Variants in WWOX observed in about 807,000 individuals in gnomAD.
WWOX encodes the protein WW domain-containing oxidoreductase.
Under a neutral mutation model 46.2 loss-of-function variants are expected in WWOX, and 69 were observed. The ratio of observed to expected loss-of-function variants is 1.49; its 90% CI spans 1.23 to 1.82. WWOX has a LOEUF of 1.82. Among genes scored for constraint, WWOX ranks in the 40% most tolerant of loss-of-function variants. The pLI, the probability that WWOX is intolerant of heterozygous loss-of-function variation, is 0.00. For synonymous variants in WWOX, 359 were observed against 202.6 expected (o/e 1.77, Z -6.56); for missense variants, 919 against 542.6 (o/e 1.69, Z -6.89).
At chr16:78,467,172 A>C (rs1446256994) in intron 8 of WWOX, among the ~76,000 whole-genome samples, 2 of 152,194 alleles carry the variant, frequency 1.3e-5, no homozygotes, top group Non-Finnish European at 2.9e-5. Flanking sequence ...TTCTTTTTAA[A>C]AAAAATTTTT....
chr16:78,699,143 A>T (rs774820063), intron 8 of WWOX, among the ~76,000 whole-genome samples: 6 of 152,232 alleles, frequency 3.9e-5, no homozygotes, highest in Non-Finnish European at 7.3e-5. Context: ...GTGTTCCAGT[A>T]AAACTTTATT....
intron 5 of WWOX, among the ~76,000 whole-genome samples, chr16:78,227,887 A>C (rs926782702): frequency 6.6e-6 from 1 of 150,758 alleles, no homozygotes; most frequent in African/African-American, 2.5e-5. Flanking sequence ...AAAAACAAAC[A>C]AAAAGAAACA....
intron 5 of WWOX, among the ~76,000 whole-genome samples, chr16:78,342,015 C>T (rs1394862116): frequency 1.7e-5 from 2 of 120,470 alleles, no homozygotes; most frequent in East Asian, 3.9e-4. Context: ...ACTTCGGAGG[C>T]TGAGGCAGCA....
intron 8 of WWOX, among the ~76,000 whole-genome samples, chr16:78,804,222 C>T (rs961057203): frequency 6.6e-6 from 1 of 152,094 alleles, no homozygotes; most frequent in Non-Finnish European, 1.5e-5. Flanking sequence ...ATGCCTTCCC[C>T]TGAACACAGT....
At chr16:78,749,086 A>G (rs920119993) in intron 8 of WWOX, among the ~76,000 whole-genome samples, 1 of 152,212 alleles carries the variant, frequency 6.6e-6, no homozygotes, top group African/African-American at 2.4e-5. Flanking sequence ...GATGTGTTTT[A>G]GTGCTTAGGG....
chr16:78,201,262 A>G lies in WWOX; in HGVS notation c.516+36973A>G, dbSNP rs952597257. Among the ~76,000 whole-genome samples, 4 of 152,244 alleles carry G rather than the reference A, an allele frequency of 2.6e-5. No individual in the cohort carries two copies. The East Asian group carries it at 7.7e-4, about 29-fold the overall frequency. ...TGTCTGTTAAGACACTTATTTTTTG[A>G]GAAGACAAATTAATATAACATTATT... On this transcript the variant is annotated intron_variant, in intron 5 of 8. Transcript: ENST00000566780.
chr16:79,051,946 A>C (rs2048175097), intron 8 of WWOX, among the ~76,000 whole-genome samples: 1 of 152,114 alleles, frequency 6.6e-6, no homozygotes, highest in African/African-American at 2.4e-5. Flanking sequence ...TCCTTATTTG[A>C]AGGTGTTTTT....
intron 8 of WWOX, among the ~76,000 whole-genome samples, chr16:78,528,886 T>C (rs1180468226): frequency 1.3e-5 from 2 of 152,108 alleles, no homozygotes; most frequent in Admixed American, 1.3e-4. Flanking sequence ...ACATCATAGA[T>C]GGAGAGTCAG....
intron 8 of WWOX, among the ~76,000 whole-genome samples, chr16:79,210,067 G>A (rs985703305): frequency 6.6e-6 from 1 of 152,158 alleles, no homozygotes; most frequent in Non-Finnish European, 1.5e-5. Flanking sequence ...CAGGACCAGT[G>A]GAACTTGTCC....
At chr16:78,712,466 C>T (rs369252699) in intron 8 of WWOX, among the ~76,000 whole-genome samples, 2 of 151,472 alleles carry the variant, frequency 1.3e-5, no homozygotes, top group South Asian at 2.1e-4. Context: ...TATACCACTG[C>T]ACTCCAGCCT....
intron 8 of WWOX, among the ~76,000 whole-genome samples, chr16:78,830,381 C>A (rs113998654): frequency 6.6e-6 from 1 of 151,978 alleles, no homozygotes; most frequent in Non-Finnish European, 1.5e-5. Context: ...AAAGTAGTGC[C>A]GTATGGCTGG....
chr16:78,883,560 C>T (rs1423705031), intron 8 of WWOX, among the ~76,000 whole-genome samples: 1 of 151,982 alleles, frequency 6.6e-6, no homozygotes, highest in Non-Finnish European at 1.5e-5. Flanking sequence ...CCCATCTCTA[C>T]TAAAAATACA....
intron 8 of WWOX, among the ~76,000 whole-genome samples, chr16:79,113,956 G>C (rs531665358): frequency 2.0e-5 from 3 of 152,190 alleles, no homozygotes; most frequent in Non-Finnish European, 4.4e-5. Flanking sequence ...GCCACAACGT[G>C]TTCTTGACAA....
chr16:78,351,409 A>T (rs1282858564), intron 5 of WWOX, among the ~76,000 whole-genome samples: 1 of 152,212 alleles, frequency 6.6e-6, no homozygotes, highest in Admixed American at 6.5e-5. Flanking sequence ...TGGTTTAGCC[A>T]GAACTATGGC....
chr16:78,471,986 T>C (rs1219730985), intron 8 of WWOX, among the ~76,000 whole-genome samples: 2 of 152,216 alleles, frequency 1.3e-5, no homozygotes, highest in Non-Finnish European at 2.9e-5. Context: ...TGTTACCTAA[T>C]TCCAATGTTT....
intron 4 of WWOX, among the ~76,000 whole-genome samples, chr16:78,144,523 A>ATATATT: frequency 5.4e-5 from 1 of 18,634 alleles, no homozygotes; most frequent in African/African-American, 2.7e-4. Flanking sequence ...ATATATATAT[A>ATATATT]TTTTTTTTTT....
rs1345714221 is a variant in WWOX, at chr16:79,037,105, T to C, written c.1057-174503T>C. 1.5e-4 allele frequency among the ~76,000 whole-genome samples: 23 copies of C among 152,146 alleles called. 1 individual carries two copies. The highest frequency in any genetic ancestry group is 1.5e-3 in the Admixed American group (23 of 15,286). ...GGGCGGGGCCTGGGCTTTACAGCAA[T>C]GGTTTTCAGTTTGTAATCTCTCTCA... On this transcript the variant is annotated intron_variant, in intron 8 of 8. Transcript: ENST00000566780.
At chr16:78,916,906 G>A (rs1254414390) in intron 8 of WWOX, among the ~76,000 whole-genome samples, 2 of 152,268 alleles carry the variant, frequency 1.3e-5, no homozygotes, top group South Asian at 4.1e-4. Context: ...TATAGGTGTG[G>A]TAAGGGGATC....
chr16:78,965,387 G>T (rs1446874966), intron 8 of WWOX, among the ~76,000 whole-genome samples: 1 of 152,048 alleles, frequency 6.6e-6, no homozygotes. Flanking sequence ...TGGTCAACAT[G>T]GTGAAACCCC....
Sources: gnomAD v4.1 joint callset for allele counts (sites outside exome capture counted in the v4.1 genomes callset) on GRCh38, gnomAD v4.1.1 for gene constraint, MANE v1.5 for transcripts, NCBI Gene and HGNC (gene_info 2026-07-23, HGNC 2026-07-21) for gene names.